The following PSMA1 variants were observed in gnomAD, a reference collection of about 807,000 sequenced individuals.
The protein encoded by PSMA1 is proteasome 20S subunit alpha 1.
In PSMA1, 3 loss-of-function variants were observed where a neutral mutation model predicts 38.4. The observed-to-expected ratio is 0.08, with a 90% CI of 0.04 to 0.20. The LOEUF (loss-of-function observed/expected upper bound fraction) is 0.20, where lower values mean the gene tolerates loss of function less well. Among genes scored for constraint, PSMA1 ranks in the 10% least tolerant of loss-of-function variants. PSMA1 has a pLI of 1.00. For synonymous variants in PSMA1, 101 were observed against 107.1 expected (o/e 0.94, Z 0.35); for missense variants, 227 against 325.3 (o/e 0.70, Z 2.32).
At chr11:14,610,407 G>C (rs1296984558) in intron 2 of PSMA1, among the ~76,000 whole-genome samples, 1 of 151,748 alleles carries the variant, frequency 6.6e-6, no homozygotes, top group Non-Finnish European at 1.5e-5. Flanking sequence ...AGAGGCTATT[G>C]CCTGTACCTC....
intron 2 of PSMA1, among the ~76,000 whole-genome samples, chr11:14,571,477 G>A (rs111499579): frequency 0.015 from 2,281 of 152,090 alleles, 19 homozygotes; most frequent in African/African-American, 0.027. Flanking sequence ...AGATTTTGTC[G>A]TCACCAGGCC....
At chr11:14,638,020 T>G (rs1194559971) in intron 1 of PSMA1, among the ~76,000 whole-genome samples, 1 of 152,210 alleles carries the variant, frequency 6.6e-6, no homozygotes, top group East Asian at 1.9e-4. Context: ...ACTAAGCATC[T>G]ACTCATTGTT....
upstream of PSMA1, among the ~76,000 whole-genome samples, chr11:14,524,253 G>A (rs1851562957): frequency 6.6e-6 from 1 of 151,858 alleles, no homozygotes; most frequent in South Asian, 2.1e-4. Context: ...AGGATCACAT[G>A]AGCCCAGTGT....
intron 1 of PSMA1, among the ~76,000 whole-genome samples, chr11:14,629,836 T>G: frequency 6.6e-6 from 1 of 152,112 alleles, no homozygotes; most frequent in South Asian, 2.1e-4. Flanking sequence ...TATCCTCTTT[T>G]ATTTCCTTGA....
At chr11:14,627,691 A>G (rs2133715697) in intron 1 of PSMA1, among the ~76,000 whole-genome samples, 1 of 152,330 alleles carries the variant, frequency 6.6e-6, no homozygotes, top group South Asian at 2.1e-4. Context: ...TGAGAATAAG[A>G]GGCTTAGAGG....
intron 1 of PSMA1, among the ~76,000 whole-genome samples, chr11:14,613,943 C>T (rs749466481): frequency 5.9e-5 from 9 of 152,172 alleles, no homozygotes; most frequent in Non-Finnish European, 1.2e-4. Context: ...CTGCTGCTTT[C>T]ATTTATCCTT....
At chr11:14,514,197 C>T in intron 5 of PSMA1, 1 of 1,345,054 alleles carries the variant, frequency 7.4e-7, no homozygotes, top group South Asian at 2.2e-5. Flanking sequence ...TAAAAAGATG[C>T]TTAGATGATT....
chr11:14,561,876 C>CTATAAACTAAAT (rs1565045243), intron 2 of PSMA1, among the ~76,000 whole-genome samples: 1 of 150,078 alleles, frequency 6.7e-6, no homozygotes, highest in African/African-American at 2.5e-5. Context: ...ATAAACTAAA[C>CTATAAACTAAAT]GAAATAAAGG....
intron 1 of PSMA1, among the ~76,000 whole-genome samples, chr11:14,638,557 A>C (rs1197843551): frequency 0.059 from 764 of 12,890 alleles, 6 homozygotes; most frequent in Middle Eastern, 0.17. Context: ...ATATATATAT[A>C]TATATATATA....
chr11:14,513,848 T>C lies in PSMA1; in HGVS notation c.383A>G (p.Tyr128Cys). 6.2e-7 allele frequency: 1 copy of C among 1,601,836 alleles called. No homozygotes were observed. Among genetic ancestry groups the C allele is most frequent in the Non-Finnish European group, 8.5e-7 (1 of 1,176,412 alleles). The change falls in exon 6 of 10, where the codon TAT becomes TGT. Residue 128 changes from tyrosine to cysteine, a missense_variant. Coordinates refer to ENST00000396394, the MANE Select transcript of PSMA1 (RefSeq NM_002786.4). ...IPTQRYGRRPYGVGLLIAGYD... is the reference protein window; with the variant it reads ...IPTQRYGRRPCGVGLLIAGYD... ...ACCAGCAATAAGGAGACCAACACCA[T>C]ATGGTCTCCGGCCATATCGTTGTGT...
At chr11:14,630,469 A>G (rs573192798) in intron 1 of PSMA1, among the ~76,000 whole-genome samples, 179 of 152,252 alleles carry the variant, frequency 1.2e-3, no homozygotes, top group South Asian at 6.2e-3. Flanking sequence ...GATTACATTT[A>G]TTGATTTGCG....
At chr11:14,546,137 T>G (rs1851823964) in intron 2 of PSMA1, among the ~76,000 whole-genome samples, 1 of 146,804 alleles carries the variant, frequency 6.8e-6, no homozygotes, top group Non-Finnish European at 1.5e-5. Context: ...TACCTTTCTC[T>G]CTCTCTCTCT....
At chr11:14,553,276 T>C (rs1851906518) in intron 2 of PSMA1, among the ~76,000 whole-genome samples, 1 of 152,222 alleles carries the variant, frequency 6.6e-6, no homozygotes, top group African/African-American at 2.4e-5. Context: ...AGTACAATAT[T>C]AAATTCAGGA....
intron 9 of PSMA1, 195 bp downstream of exon 9, chr11:14,507,461 C>T (rs901493250): frequency 1.9e-4 from 93 of 499,138 alleles, no homozygotes; most frequent in African/African-American, 1.7e-3. Context: ...CCACCGCACC[C>T]GGCCCCCTTT....
chr11:14,624,572 C>T (rs1424412350), intron 1 of PSMA1, among the ~76,000 whole-genome samples: 2 of 152,120 alleles, frequency 1.3e-5, no homozygotes, highest in South Asian at 2.1e-4. Context: ...TGCCAGGGGA[C>T]AGTGAGTGTC....
chr11:14,543,075 C>T (rs1190805026), intron 2 of PSMA1, among the ~76,000 whole-genome samples: 4 of 152,214 alleles, frequency 2.6e-5, no homozygotes, highest in African/African-American at 9.6e-5. Flanking sequence ...AGGCAATCCA[C>T]CCACCTTGGC....
At chr11:14,539,916 T>C (rs1851753368) in intron 2 of PSMA1, among the ~76,000 whole-genome samples, 1 of 150,358 alleles carries the variant, frequency 6.7e-6, no homozygotes, top group Non-Finnish European at 1.5e-5. Flanking sequence ...GATAAAAAAA[T>C]CCTATATGGC....
intron 4 of PSMA1, among the ~76,000 whole-genome samples, chr11:14,516,391 A>G (rs915719401): frequency 5.9e-5 from 9 of 152,286 alleles, no homozygotes; most frequent in African/African-American, 2.2e-4. Flanking sequence ...TTTTTTGTAG[A>G]GATGGGGATT....
At chr11:14,584,507 G>GTT (rs58620375) in intron 2 of PSMA1, among the ~76,000 whole-genome samples, 8 of 124,800 alleles carry the variant, frequency 6.4e-5, no homozygotes, top group Admixed American at 2.3e-4. Flanking sequence ...TTTGTTTTTT[G>GTT]TTTTTTTTTT....
Sources: gnomAD v4.1 joint callset for allele counts (sites outside exome capture counted in the v4.1 genomes callset) on GRCh38, gnomAD v4.1.1 for gene constraint, MANE v1.5 for transcripts, NCBI Gene and HGNC (gene_info 2026-07-23, HGNC 2026-07-21) for gene names.